Variants in ZNF521 observed in about 807,000 individuals in gnomAD.
The protein encoded by ZNF521 is zinc finger protein 521.
A neutral mutation model predicts 105.5 loss-of-function variants in ZNF521; 14 were observed. That is an observed-to-expected ratio of 0.13 (90% confidence interval 0.09 to 0.21). The LOEUF (loss-of-function observed/expected upper bound fraction) is 0.21, where lower values mean the gene tolerates loss of function less well. Among genes scored for constraint, ZNF521 ranks in the 10% least tolerant of loss-of-function variants. ZNF521 has a pLI of 1.00. For synonymous variants in ZNF521, 635 were observed against 606.0 expected (o/e 1.05, Z -0.70); for missense variants, 1,233 against 1,629.7 (o/e 0.76, Z 4.19).
chr18:25,188,804 T>C (rs1203259319), intron 5 of ZNF521, among the ~76,000 whole-genome samples: 3 of 152,186 alleles, frequency 2.0e-5, no homozygotes, highest in Non-Finnish European at 4.4e-5. Context: ...TAATTCTCCT[T>C]GAGAACAACA....
intron 3 of ZNF521, among the ~76,000 whole-genome samples, chr18:25,245,977 T>A (rs1907683512): frequency 6.6e-6 from 1 of 152,002 alleles, no homozygotes; most frequent in African/African-American, 2.4e-5. Context: ...CATTCCAGCC[T>A]GGGTGACAGA....
Position 25,301,057 on chromosome 18 carries a change from C to T in ZNF521, c.220+20951G>A, listed in dbSNP as rs143401814. 2.5e-3 allele frequency among the ~76,000 whole-genome samples: 374 copies of T among 152,244 alleles called. 4 individuals are homozygous for T. The highest frequency in any genetic ancestry group is 8.5e-3 in the African/African-American group (354 of 41,546). On this transcript the variant is annotated intron_variant, in intron 3 of 7. Transcript: ENST00000361524. The stretch of plus-strand genomic sequence containing the variant: ...AAGCATCCATAACTTTTCCAATTAG[C>T]AAATATGAGTCCCTGAGAGCTGGAA...
intron 3 of ZNF521, among the ~76,000 whole-genome samples, chr18:25,238,753 A>G (rs557250948): frequency 1.3e-5 from 2 of 152,290 alleles, no homozygotes; most frequent in South Asian, 4.1e-4. Context: ...CAGATGACAC[A>G]GGGCAGCATT....
In ZNF521 at chr18:25,092,091, A is replaced by C; in HGVS notation, c.3659-10T>G. 6.2e-7 allele frequency: 1 copy of C among 1,613,590 alleles called. No individual in the cohort carries two copies. Among genetic ancestry groups the C allele is most frequent in the Non-Finnish European group, 8.5e-7 (1 of 1,179,652 alleles). ...TGGTTCAGTCCTTCATCTGTCAAGG[A>C]AAACACATGAAGAGAAATGATGAAA... On this transcript the variant is annotated splice_polypyrimidine_tract_variant and intron_variant, in intron 5 of 7. Coordinates refer to ENST00000361524, the MANE Select transcript of ZNF521 (RefSeq NM_015461.3).
At chr18:25,079,913 G>A (rs890545506) in intron 7 of ZNF521, among the ~76,000 whole-genome samples, 1 of 152,182 alleles carries the variant, frequency 6.6e-6, no homozygotes, top group Admixed American at 6.5e-5. Context: ...CCTTTTATAT[G>A]TCTAGAAGGC....
chr18:25,239,002 G>T (rs554867811), intron 3 of ZNF521, among the ~76,000 whole-genome samples: 213 of 152,192 alleles, frequency 1.4e-3, no homozygotes, highest in African/African-American at 4.6e-3. Flanking sequence ...GCTGCACTCA[G>T]CTGTGCCTTT....
At chr18:25,161,864 A>C (rs904802276) in intron 5 of ZNF521, among the ~76,000 whole-genome samples, 2 of 152,182 alleles carry the variant, frequency 1.3e-5, no homozygotes, top group Non-Finnish European at 2.9e-5. Context: ...CTAGCCCAAA[A>C]GACAGACAAG....
At chr18:25,350,471 TC>T (rs1295657966) in intron 2 of ZNF521, among the ~76,000 whole-genome samples, 1 of 152,174 alleles carries the variant, frequency 6.6e-6, no homozygotes, top group Non-Finnish European at 1.5e-5. Context: ...ATGACTTTTT[TC>T]TTCTTCCAAA....
chr18:25,221,452 T>C (rs2144718196), intron 4 of ZNF521, among the ~76,000 whole-genome samples: 1 of 152,344 alleles, frequency 6.6e-6, no homozygotes, highest in South Asian at 2.1e-4. Context: ...TTTACCGATA[T>C]TCTATGTAAT....
At chr18:25,083,931 ATTTTT>A (rs56364504) in intron 7 of ZNF521, among the ~76,000 whole-genome samples, 10 of 57,890 alleles carry the variant, frequency 1.7e-4, no homozygotes, top group African/African-American at 6.5e-4. Context: ...AACCTGGGTA[ATTTTT>A]TTTTTTTTTT....
intron 7 of ZNF521, among the ~76,000 whole-genome samples, chr18:25,082,971 C>T (rs1189943507): frequency 6.6e-6 from 1 of 151,806 alleles, no homozygotes; most frequent in African/African-American, 2.4e-5. Context: ...GAATACACAC[C>T]CTTTCATTCC....
At chr18:25,209,244 G>C (rs1210270938) in intron 4 of ZNF521, among the ~76,000 whole-genome samples, 1 of 151,664 alleles carries the variant, frequency 6.6e-6, no homozygotes, top group Non-Finnish European at 1.5e-5. Flanking sequence ...CGATTCTTCT[G>C]CCTCAGCCTC....
chr18:25,189,296 T>G (rs2035778806), intron 5 of ZNF521, among the ~76,000 whole-genome samples: 1 of 152,216 alleles, frequency 6.6e-6, no homozygotes, highest in Non-Finnish European at 1.5e-5. Context: ...TATGCCCGCG[T>G]ATGTCCTTTC....
chr18:25,266,785 T>C (rs1252801714), intron 3 of ZNF521, among the ~76,000 whole-genome samples: 1 of 152,180 alleles, frequency 6.6e-6, no homozygotes, highest in Non-Finnish European at 1.5e-5. Flanking sequence ...TGGGGGTGCC[T>C]ACGCCACCAG....
At chr18:25,094,378 C>A (rs2033809872) in intron 5 of ZNF521, among the ~76,000 whole-genome samples, 1 of 151,868 alleles carries the variant, frequency 6.6e-6, no homozygotes, top group Non-Finnish European at 1.5e-5. Context: ...AAGTTGCATC[C>A]CAAAATGTTA....
intron 2 of ZNF521, among the ~76,000 whole-genome samples, chr18:25,337,117 C>T (rs1305204674): frequency 1.3e-5 from 2 of 152,166 alleles, no homozygotes; most frequent in African/African-American, 4.8e-5. Context: ...TAAATGTTTG[C>T]TAAGCACCTA....
At chr18:25,179,884 A>G (rs983908852) in intron 5 of ZNF521, among the ~76,000 whole-genome samples, 3 of 152,206 alleles carry the variant, frequency 2.0e-5, no homozygotes, top group Non-Finnish European at 4.4e-5. Context: ...TACACAAAGA[A>G]GACGACAAAA....
intron 5 of ZNF521, among the ~76,000 whole-genome samples, chr18:25,156,901 A>G (rs1241934922): frequency 6.6e-6 from 1 of 152,218 alleles, no homozygotes; most frequent in Non-Finnish European, 1.5e-5. Flanking sequence ...AGCTCTTGCC[A>G]AAATAACAAC....
intron 2 of ZNF521, chr18:25,327,817 G>A (rs1049726534): frequency 1.1e-5 from 4 of 373,528 alleles, no homozygotes; most frequent in Non-Finnish European, 2.1e-5. Flanking sequence ...CTCGCCTGCT[G>A]GTCTGCTGCC....
Sources: gnomAD v4.1 joint callset for allele counts (sites outside exome capture counted in the v4.1 genomes callset) on GRCh38, gnomAD v4.1.1 for gene constraint, MANE v1.5 for transcripts, NCBI Gene and HGNC (gene_info 2026-07-23, HGNC 2026-07-21) for gene names.